The following AGFG1 variants were observed in gnomAD, a reference collection of about 807,000 sequenced individuals.
The protein encoded by AGFG1 is arf-GAP domain and FG repeat-containing protein 1.
A neutral mutation model predicts 60.6 loss-of-function variants in AGFG1; 10 were observed. That is an observed-to-expected ratio of 0.16 (90% CI 0.10 to 0.28). The LOEUF is 0.28. Ranked by LOEUF, AGFG1 falls within the 10% of genes least tolerant of loss-of-function variation. The pLI is 1.00. For missense variants in AGFG1, 537 were observed against 676.5 expected (o/e 0.79, Z 2.29); for synonymous variants, 247 against 242.9 (o/e 1.02, Z -0.16).
chr2:227,531,120 A>G lies in AGFG1; in HGVS notation c.724A>G (p.Asn242Asp). ...AQNSANADFA[N>D]FDAFGQSSGS... is the part of the protein sequence containing the mutation. ...GAATTCTGCAAATGCAGATTTTGCA[A>G]ACTTTGATGCATTTGGACAGTCTAG... The change falls in exon 6 of 13, where the codon AAC becomes GAC. Residue 242 changes from asparagine (N) to aspartate (D), a missense_variant. This residue lies in a region of AGFG1 where 287 missense variants were observed against 343.6 expected (regional missense o/e 0.84). Transcript: ENST00000310078. The G allele has an allele frequency of 6.2e-7, 1 of 1,613,096 alleles. No individual in the cohort carries two copies. The highest frequency in any genetic ancestry group is 8.5e-7 in the Non-Finnish European group (1 of 1,179,452).
At chr2:227,515,586 T>G (rs1369462503) in intron 2 of AGFG1, among the ~76,000 whole-genome samples, 1 of 152,130 alleles carries the variant, frequency 6.6e-6, no homozygotes, top group Non-Finnish European at 1.5e-5. Flanking sequence ...ATAATCACCT[T>G]TTTCCAACTT....
intron 10 of AGFG1, among the ~76,000 whole-genome samples, chr2:227,549,313 A>G (rs1692750123): frequency 6.6e-6 from 1 of 152,214 alleles, no homozygotes; most frequent in African/African-American, 2.4e-5. Flanking sequence ...AAATCCATGG[A>G]AATATATTTT....
chr2:227,536,577 CTTTT>C, intron 8 of AGFG1, 44 bp from the exon 9 acceptor site: 1 of 1,311,740 alleles, frequency 7.6e-7, no homozygotes, highest in South Asian at 1.4e-5. Context: ...TCGTTACTTT[CTTTT>C]TTTTTTAAGA....
At position 227,524,931 on chromosome 2, in the gene AGFG1, C is replaced by T; in HGVS notation, c.694+16C>T. On this transcript the variant is annotated intron_variant, in intron 5 of 12. Transcript: ENST00000310078. Reference sequence around the variant, plus strand: ...AGTCATGCAGGTAAGTGTTTTTTCCCAACAGCTTTTGCTGGGGATGCATAT... The same window carrying T: ...AGTCATGCAGGTAAGTGTTTTTTCCTAACAGCTTTTGCTGGGGATGCATAT... 1 of 1,613,004 alleles carries T rather than the reference C, an allele frequency of 6.2e-7. No homozygotes were observed. Among genetic ancestry groups the T allele is most frequent in the Non-Finnish European group, 8.5e-7 (1 of 1,179,090 alleles).
intron 1 of AGFG1, among the ~76,000 whole-genome samples, chr2:227,472,985 C>T (rs1221426574): frequency 3.1e-5 from 2 of 64,694 alleles, no homozygotes; most frequent in South Asian, 4.3e-4. Flanking sequence ...GCTAGGAGGC[C>T]GGGGGGGAGG....
intron 3 of AGFG1, among the ~76,000 whole-genome samples, chr2:227,520,425 A>G (rs1200424440): frequency 6.6e-6 from 1 of 152,082 alleles, no homozygotes; most frequent in Non-Finnish European, 1.5e-5. Context: ...TCTTTTTTTA[A>G]TTTATTGAGT....
chr2:227,481,748 G>A (rs1420819479), intron 1 of AGFG1, among the ~76,000 whole-genome samples: 1 of 152,006 alleles, frequency 6.6e-6, no homozygotes, highest in East Asian at 1.9e-4. Context: ...CATGCAGTAT[G>A]AGATAAACAC....
Position 227,555,399 on chromosome 2 carries a change from T to C in AGFG1, c.*904T>C, listed in dbSNP as rs1692945749. 1 of 152,622 alleles carries C rather than the reference T, an allele frequency of 6.6e-6. No individual in the cohort carries two copies. The allele number at this position is 152,622 out of a possible 1,614,324, so 9.5% of individuals were successfully genotyped here. A position where few individuals can be genotyped will look rare whatever the true frequency, so the allele number is the denominator to read the frequency against. On this transcript the variant is annotated 3_prime_UTR_variant, in exon 13 of 13. Transcript: ENST00000310078. ...TTTGTATATATGAAGAATTTGCATG[T>C]ATGTGTATTTACAAATTTTTCTAAG... is the stretch of plus-strand genomic sequence containing the variant.
At chr2:227,508,500 TA>T in intron 2 of AGFG1, 1 of 369,812 alleles carries the variant, frequency 2.7e-6, no homozygotes, top group Admixed American at 3.5e-5. Context: ...CTGGAAAATG[TA>T]AAAAATGTAA....
chr2:227,485,236 A>C (rs1690593554), intron 1 of AGFG1, among the ~76,000 whole-genome samples: 1 of 124,490 alleles, frequency 8.0e-6, no homozygotes, highest in Non-Finnish European at 1.6e-5. Flanking sequence ...GTTTCACCGA[A>C]TCGTTTCTTT....
intron 2 of AGFG1, among the ~76,000 whole-genome samples, chr2:227,514,474 G>C (rs1301596999): frequency 6.6e-6 from 1 of 152,070 alleles, no homozygotes; most frequent in Admixed American, 6.6e-5. Context: ...GATTATAGAC[G>C]TGAGCCACTG....
intron 2 of AGFG1, among the ~76,000 whole-genome samples, chr2:227,506,594 A>T (rs1691321825): frequency 6.8e-6 from 1 of 147,786 alleles, no homozygotes; most frequent in African/African-American, 2.5e-5. Flanking sequence ...ATAGGCACAT[A>T]CCTAGTGCTG....
chr2:227,497,761 T>TTTTTTTTTG lies in AGFG1; in HGVS notation c.261+6121_261+6122insTTTTTTTTG, dbSNP rs546987888. Among the ~76,000 whole-genome samples, 87 of 65,180 alleles carry TTTTTTTTTG rather than the reference T, an allele frequency of 1.3e-3. 8 individuals are homozygous for TTTTTTTTTG. Among genetic ancestry groups the TTTTTTTTTG allele is most frequent in the East Asian group, 3.2e-3 (6 of 1,848 alleles). The allele number at this position is 65,180 out of a possible 152,430, so 42.8% of individuals were successfully genotyped here. Reference sequence around the variant, plus strand: ...TTTTTTTTTTTTTTTTTTTTTTTTTTGGGGACGGAGTCTTACTCTGTCGCC... The same window carrying TTTTTTTTTG: ...TTTTTTTTTTTTTTTTTTTTTTTTTTTTTTTTTTGGGGGACGGAGTCTTACTCTGTCGCC... On this transcript the variant is annotated intron_variant, in intron 2 of 12. Transcript: ENST00000310078.
intron 2 of AGFG1, among the ~76,000 whole-genome samples, chr2:227,506,084 T>C (rs4358114): frequency 1 from 152,199 of 152,360 alleles, 76,021 homozygotes; most frequent in Middle Eastern, 1. Context: ...TATTTTAAGT[T>C]ATTGCCTGCT....
At chr2:227,546,839 A>G (rs1037722743) in intron 10 of AGFG1, among the ~76,000 whole-genome samples, 1 of 152,168 alleles carries the variant, frequency 6.6e-6, no homozygotes, top group Non-Finnish European at 1.5e-5. Context: ...ATGGATAGTC[A>G]TTATTTCCTA....
intron 10 of AGFG1, among the ~76,000 whole-genome samples, chr2:227,546,347 A>C (rs963711949): frequency 6.6e-6 from 1 of 152,248 alleles, no homozygotes; most frequent in Non-Finnish European, 1.5e-5. Flanking sequence ...GGCAAAGTGC[A>C]GTATTAGGGC....
intron 1 of AGFG1, among the ~76,000 whole-genome samples, chr2:227,472,950 C>T (rs1259007916): frequency 1.1e-4 from 7 of 61,808 alleles, no homozygotes; most frequent in African/African-American, 4.1e-4. Context: ...CCCGGGGCGC[C>T]GGGCTGTGGG....
intron 2 of AGFG1, among the ~76,000 whole-genome samples, chr2:227,507,699 C>G (rs1399545488): frequency 1.3e-5 from 2 of 149,428 alleles, no homozygotes; most frequent in African/African-American, 4.9e-5. Context: ...CATTAAGATG[C>G]AATAGTTTTA....
intron 5 of AGFG1, among the ~76,000 whole-genome samples, 160 bp downstream of exon 5, chr2:227,525,075 G>A (rs1253013868): frequency 1.3e-5 from 2 of 152,010 alleles, no homozygotes; most frequent in Non-Finnish European, 2.9e-5. Context: ...TAATTGTGTT[G>A]CTTTTTAATC....
Sources: gnomAD v4.1 joint callset for allele counts (sites outside exome capture counted in the v4.1 genomes callset) on GRCh38, gnomAD v4.1.1 for gene constraint, gnomAD v4.1.1 regional missense constraint, MANE v1.5 for transcripts, NCBI Gene and HGNC (gene_info 2026-07-23, HGNC 2026-07-21) for gene names.